Variants in LRRIQ1 observed in about 807,000 individuals in gnomAD.
LRRIQ1 encodes the protein leucine rich repeats and IQ motif containing 1, also known as leucine-rich repeat- and IQ domain-containing protein 1.
In LRRIQ1, 210 loss-of-function variants were observed where a neutral mutation model predicts 211.9. The observed-to-expected ratio is 0.99, with a 90% CI of 0.89 to 1.11. The LOEUF (loss-of-function observed/expected upper bound fraction) is 1.11. Among genes scored for constraint, LRRIQ1 ranks in the 50% most tolerant of loss-of-function variants. The pLI is 0.00. For missense variants in LRRIQ1, 2,136 were observed against 1,939.5 expected (o/e 1.10, Z -1.90); for synonymous variants, 699 against 650.1 (o/e 1.08, Z -1.14).
chr12:85,198,795 G>C lies in LRRIQ1; in HGVS notation c.4823-30722G>C, dbSNP rs1431427094. Among the ~76,000 whole-genome samples, 3 of 152,056 alleles carry C rather than the reference G, an allele frequency of 2.0e-5. No individual in the cohort carries two copies. In the East Asian group the frequency reaches 5.8e-4, roughly 29 times the overall value. On this transcript the variant is annotated intron_variant, in intron 24 of 26. Coordinates refer to ENST00000393217, the MANE Select transcript of LRRIQ1 (RefSeq NM_001079910.2). ...ATGTTAGCCAGAATGGTCTTGATTT[G>C]CTGACCTCGTGATCCACCCGCCTTG...
intron 1 of LRRIQ1, among the ~76,000 whole-genome samples, chr12:85,258,154 CA>C (rs11288014): frequency 0.23 from 34,619 of 151,262 alleles, 10,224 homozygotes; most frequent in African/African-American, 0.69. Flanking sequence ...TATACACAGA[CA>C]AAAAAATGTG....
chr12:85,079,677 A>T (rs918840474), intron 11 of LRRIQ1, among the ~76,000 whole-genome samples: 3 of 152,154 alleles, frequency 2.0e-5, no homozygotes, highest in Non-Finnish European at 2.9e-5. Flanking sequence ...CTTAGCAATT[A>T]ATTAGTTATA....
chr12:85,102,907 T>C (rs1010291485), intron 13 of LRRIQ1, among the ~76,000 whole-genome samples: 8 of 140,918 alleles, frequency 5.7e-5, no homozygotes, highest in Middle Eastern at 8.1e-3. Context: ...TATGGAATTA[T>C]AGTGGGAATT....
rs1473439733 is a variant in LRRIQ1, at chr12:85,124,103, C to G, written c.3591C>G (p.Leu1197=). ...TTACCTTGGATACTGCAGAAAATCT[C>G]TGTCATTATTTTAAGAAATTGATGA... ...DVFTLDTAEN[L]CHYFKKLMIL... Residue 1197 remains leucine (L), a synonymous_variant, in exon 17 of 27, where the codon CTC becomes CTG. Transcript: ENST00000393217. 1 of 1,613,384 alleles carries G rather than the reference C, an allele frequency of 6.2e-7. No individual in the cohort carries two copies. The highest frequency in any genetic ancestry group is 1.3e-5 in the African/African-American group (1 of 74,996).
Position 85,238,780 on chromosome 12 carries a change from G to C in LRRIQ1, c.5017-6009G>C, listed in dbSNP as rs1331886632. Among the ~76,000 whole-genome samples the C allele has an allele frequency of 2.6e-5, 4 of 151,958 alleles. No homozygotes were observed. The East Asian group carries it at 7.7e-4, about 29-fold the overall frequency. The stretch of plus-strand genomic sequence containing the variant: ...TTAGTGGTTAAAGGCCCAATGTTTT[G>C]TATCTAATATCAGGAACAAGGCAAG... On this transcript the variant is annotated intron_variant, in intron 26 of 26. Transcript: ENST00000393217.
At chr12:85,129,807 G>A (rs1226141686) in intron 18 of LRRIQ1, among the ~76,000 whole-genome samples, 5 of 152,156 alleles carry the variant, frequency 3.3e-5, no homozygotes, top group East Asian at 3.9e-4. Context: ...GTGGATTGAC[G>A]TGGTCGAGTT....
intron 24 of LRRIQ1, among the ~76,000 whole-genome samples, chr12:85,186,394 G>A (rs901615474): frequency 2.0e-5 from 3 of 152,004 alleles, no homozygotes; most frequent in Non-Finnish European, 2.9e-5. Context: ...GTCTGAATTG[G>A]CCCATTCTCT....
intron 23 of LRRIQ1, among the ~76,000 whole-genome samples, chr12:85,154,306 G>A (rs966100849): frequency 2.0e-5 from 3 of 148,486 alleles, no homozygotes; most frequent in Non-Finnish European, 3.0e-5. Context: ...TTACTTTTTC[G>A]GCTCTTTCTT....
chr12:85,184,356 G>T (rs1892132340), intron 24 of LRRIQ1, among the ~76,000 whole-genome samples: 1 of 151,872 alleles, frequency 6.6e-6, no homozygotes, highest in African/African-American at 2.4e-5. Flanking sequence ...AAATAAATAA[G>T]TAAATACATC....
chr12:85,090,595 A>C (rs1885281834), intron 11 of LRRIQ1, among the ~76,000 whole-genome samples: 1 of 152,132 alleles, frequency 6.6e-6, no homozygotes, highest in Admixed American at 6.5e-5. Flanking sequence ...CTGGGTTTTG[A>C]ATTTGCATGG....
intron 24 of LRRIQ1, among the ~76,000 whole-genome samples, chr12:85,222,171 C>T (rs367629136): frequency 2.0e-5 from 3 of 152,122 alleles, no homozygotes; most frequent in African/African-American, 4.8e-5. Flanking sequence ...AATTTTTTGA[C>T]GTGCTTGAAG....
intron 26 of LRRIQ1, among the ~76,000 whole-genome samples, chr12:85,233,245 C>T (rs1240178135): frequency 1.3e-5 from 2 of 151,920 alleles, no homozygotes; most frequent in African/African-American, 4.8e-5. Context: ...AGACGCTATG[C>T]AGTATAACTG....
intron 24 of LRRIQ1, among the ~76,000 whole-genome samples, chr12:85,178,524 A>T (rs1335995176): frequency 6.6e-6 from 1 of 151,910 alleles, no homozygotes. Context: ...ATTCTACTCA[A>T]ATTACATTCA....
intron 24 of LRRIQ1, among the ~76,000 whole-genome samples, chr12:85,187,260 G>A (rs144888728): frequency 6.6e-6 from 1 of 152,060 alleles, no homozygotes; most frequent in African/African-American, 2.4e-5. Flanking sequence ...TTAAAAGCTA[G>A]GATCAAGATA....
At chr12:85,147,365 A>G (rs1889959623) in intron 19 of LRRIQ1, among the ~76,000 whole-genome samples, 1 of 151,806 alleles carries the variant, frequency 6.6e-6, no homozygotes. Context: ...TTAGATATAA[A>G]GTTAGACCCA....
At chr12:85,102,949 A>ATATATATATATATATAT (rs1565834028) in intron 13 of LRRIQ1, among the ~76,000 whole-genome samples, 6 of 106,244 alleles carry the variant, frequency 5.6e-5, no homozygotes, top group East Asian at 7.9e-4. Context: ...TGTGGCAAAA[A>ATATATATATATATATAT]AAAAAAAAAA....
chr12:85,237,371 A>G lies in LRRIQ1; in HGVS notation c.5016+4615A>G, dbSNP rs146035639. Among the ~76,000 whole-genome samples, 317 of 152,210 alleles carry G rather than the reference A, an allele frequency of 2.1e-3. 1 individual carries two copies. The highest frequency in any genetic ancestry group is 6.8e-3 in the Middle Eastern group (2 of 294). On this transcript the variant is annotated intron_variant, in intron 26 of 26. Coordinates refer to ENST00000393217, the MANE Select transcript of LRRIQ1 (RefSeq NM_001079910.2). ...AGAGCTCAGTAGTTTCACTGAGTTGAAAAGAAAGAGAGAAAGGAGTGTTCA... is the reference window on the plus strand; with the variant it reads ...AGAGCTCAGTAGTTTCACTGAGTTGGAAAGAAAGAGAGAAAGGAGTGTTCA...
downstream of LRRIQ1, among the ~76,000 whole-genome samples, chr12:85,265,996 A>C (rs7485353): frequency 0.21 from 31,381 of 151,998 alleles, 8,179 homozygotes; most frequent in African/African-American, 0.62. Context: ...TGCTAAACAT[A>C]GTGAATATTA....
chr12:85,038,020 G>C, intron 1 of LRRIQ1, 133 bp from the exon 2 acceptor site: 1 of 445,424 alleles, frequency 2.2e-6, no homozygotes, highest in Non-Finnish European at 3.6e-6. Context: ...ACAATGTTTG[G>C]TGTAACCATA....
Sources: allele counts gnomAD v4.1 joint callset (sites outside exome capture counted in the v4.1 genomes callset), GRCh38; gene constraint gnomAD v4.1.1; transcripts MANE v1.5; gene names NCBI Gene and HGNC (gene_info 2026-07-23, HGNC 2026-07-21).